Variants in DLGAP1 observed in about 807,000 individuals in gnomAD.
DLGAP1 encodes disks large-associated protein 1.
A neutral mutation model predicts 90.8 loss-of-function variants in DLGAP1; 11 were observed. The observed-to-expected ratio is 0.12, with a 90% CI of 0.08 to 0.20. The LOEUF (loss-of-function observed/expected upper bound fraction) is 0.20. Ranked by LOEUF, DLGAP1 falls within the 10% of genes least tolerant of loss-of-function variation. The pLI, the probability that DLGAP1 is intolerant of heterozygous loss-of-function variation, is 1.00. For synonymous variants in DLGAP1, 558 were observed against 540.7 expected (o/e 1.03, Z -0.44); for missense variants, 1,050 against 1,333.8 (o/e 0.79, Z 3.31).
chr18:3,915,787 CTTAT>C (rs937736664), intron 3 of DLGAP1, among the ~76,000 whole-genome samples: 6 of 151,988 alleles, frequency 3.9e-5, no homozygotes, highest in East Asian at 3.9e-4. Flanking sequence ...ATTTTGAAAC[CTTAT>C]TTATTTTTTT....
intron 3 of DLGAP1, among the ~76,000 whole-genome samples, chr18:3,957,378 CTT>C (rs2073104389): frequency 1.3e-5 from 2 of 152,138 alleles, no homozygotes; most frequent in South Asian, 4.1e-4. Context: ...AGTGAAACCT[CTT>C]TTGAATTTCT....
chr18:3,596,184 G>T (rs570165465), intron 7 of DLGAP1, among the ~76,000 whole-genome samples: 2 of 151,504 alleles, frequency 1.3e-5, no homozygotes, highest in Admixed American at 6.6e-5. Flanking sequence ...TTTTAAGACC[G>T]TGTCTTACTC....
intron 9 of DLGAP1, 123 bp from the exon 10 acceptor site, chr18:3,534,738 T>C: frequency 2.1e-6 from 2 of 960,912 alleles, no homozygotes; most frequent in African/African-American, 3.4e-5. Context: ...TCTCCCAGGC[T>C]GGAGTGCAAG....
intron 9 of DLGAP1, among the ~76,000 whole-genome samples, chr18:3,555,506 ATTATT>A (rs1184836128): frequency 6.6e-6 from 1 of 152,168 alleles, no homozygotes; most frequent in African/African-American, 2.4e-5. Flanking sequence ...AATATTTAGC[ATTATT>A]GTGGAAATGA....
intron 1 of DLGAP1, among the ~76,000 whole-genome samples, chr18:4,261,101 T>G (rs933392789): frequency 6.6e-5 from 10 of 152,244 alleles, no homozygotes; most frequent in Admixed American, 2.0e-4. Flanking sequence ...AATCCTCATT[T>G]CAAGTGGTAC....
intron 8 of DLGAP1, among the ~76,000 whole-genome samples, chr18:3,572,762 T>A (rs1308299297): frequency 1.3e-5 from 2 of 152,176 alleles, no homozygotes; most frequent in Non-Finnish European, 2.9e-5. Context: ...TAGTTTGGTT[T>A]CTTATAAATG....
At chr18:4,016,999 C>A (rs529576973) in intron 2 of DLGAP1, among the ~76,000 whole-genome samples, 2 of 152,262 alleles carry the variant, frequency 1.3e-5, no homozygotes, top group East Asian at 3.9e-4. Flanking sequence ...ACCTTTCAGC[C>A]CCTCATCTCC....
chr18:4,285,054 G>GT (rs11397179), intron 1 of DLGAP1, among the ~76,000 whole-genome samples: 100,678 of 151,854 alleles, frequency 0.66, 34,794 homozygotes, highest in East Asian at 0.79. Context: ...CAAAAATAAT[G>GT]ATAAAGTAAT....
chr18:3,910,969 A>C (rs1275354794), intron 3 of DLGAP1, among the ~76,000 whole-genome samples: 3 of 152,226 alleles, frequency 2.0e-5, no homozygotes, highest in Non-Finnish European at 4.4e-5. Context: ...TCATAGTTCT[A>C]ATCCTGGTTT....
chr18:4,227,070 A>G (rs1470544032), intron 1 of DLGAP1, among the ~76,000 whole-genome samples: 1 of 152,080 alleles, frequency 6.6e-6, no homozygotes, highest in Admixed American at 6.6e-5. Context: ...TACTTACATC[A>G]TAATAGATTT....
At position 3,794,396 on chromosome 18, in the gene DLGAP1, A is replaced by G. The variant is rs114390914; in HGVS notation, c.1172+19663T>C. On this transcript the variant is annotated intron_variant, in intron 5 of 12. Transcript: ENST00000315677. ...AAGCCCATCTCAATTATAGGCATGG[A>G]TTCATTTATTTCTGACTTCAAAACT... Among the ~76,000 whole-genome samples, 9 of 149,254 alleles carry G rather than the reference A, an allele frequency of 6.0e-5. No individual in the cohort carries two copies. The South Asian group carries it at 1.7e-3, about 29-fold the overall frequency.
At chr18:4,400,181 A>C (rs935003159) in intron 1 of DLGAP1, among the ~76,000 whole-genome samples, 15 of 151,838 alleles carry the variant, frequency 9.9e-5, no homozygotes, top group African/African-American at 3.4e-4. Flanking sequence ...ATCTGCCTGC[A>C]CTCCCCATCT....
At position 3,540,835 on chromosome 18, in the gene DLGAP1, T is replaced by C. The variant is rs192085044; in HGVS notation, c.2058-6220A>G. Reference sequence around the variant, plus strand: ...CTACCCCAAATAATTGTGATGTTTTTCTCAAATAAAATAAAGGGAGGAAAT... The same window carrying C: ...CTACCCCAAATAATTGTGATGTTTTCCTCAAATAAAATAAAGGGAGGAAAT... On this transcript the variant is annotated intron_variant, in intron 9 of 12. Coordinates refer to ENST00000315677, the MANE Select transcript of DLGAP1 (RefSeq NM_004746.4). Among the ~76,000 whole-genome samples the C allele has an allele frequency of 2.8e-3, 434 of 152,342 alleles. 4 individuals are homozygous for C. The highest frequency in any genetic ancestry group is 1.0e-2 in the African/African-American group (415 of 41,576).
chr18:3,765,118 T>G (rs576992919), intron 5 of DLGAP1, among the ~76,000 whole-genome samples: 162 of 125,200 alleles, frequency 1.3e-3, no homozygotes, highest in African/African-American at 5.1e-3. Context: ...ACTTGCAAAC[T>G]TTTTTTTTTT....
chr18:3,748,067 A>G (rs1333434718), intron 5 of DLGAP1, among the ~76,000 whole-genome samples: 1 of 152,256 alleles, frequency 6.6e-6, no homozygotes, highest in Non-Finnish European at 1.5e-5. Context: ...AATTATTTCC[A>G]ATGTTGGTCT....
intron 2 of DLGAP1, among the ~76,000 whole-genome samples, chr18:4,105,805 C>T (rs1037938513): frequency 7.3e-5 from 11 of 151,516 alleles, no homozygotes; most frequent in African/African-American, 1.2e-4. Flanking sequence ...CCGAGGTGGG[C>T]GGATCATGAG....
intron 1 of DLGAP1, among the ~76,000 whole-genome samples, chr18:4,179,907 A>C (rs1251976807): frequency 6.6e-6 from 1 of 152,186 alleles, no homozygotes. Flanking sequence ...CAAATTGGGC[A>C]TAATGGCATG....
intron 1 of DLGAP1, among the ~76,000 whole-genome samples, chr18:4,415,362 T>C (rs2082875414): frequency 6.6e-6 from 1 of 152,162 alleles, no homozygotes; most frequent in Admixed American, 6.5e-5. Context: ...GTTTATAAAA[T>C]AAAAGCTACA....
intron 1 of DLGAP1, among the ~76,000 whole-genome samples, chr18:4,449,199 A>G (rs149134977): frequency 6.6e-6 from 1 of 152,338 alleles, no homozygotes; most frequent in African/African-American, 2.4e-5. Flanking sequence ...AAAGTAAGAC[A>G]ATTAATCTAC....
Sources: allele counts gnomAD v4.1 joint callset (sites outside exome capture counted in the v4.1 genomes callset), GRCh38; gene constraint gnomAD v4.1.1; transcripts MANE v1.5; gene names NCBI Gene and HGNC (gene_info 2026-07-23, HGNC 2026-07-21).